EYS: variants seen among roughly 807,000 people sequenced by gnomAD.
The protein encoded by EYS is protein eyes shut homolog.
EYS carries 250 observed loss-of-function variants against 282.1 expected under a neutral mutation model. That is an observed-to-expected ratio of 0.89 (90% confidence interval 0.80 to 0.98). The LOEUF is 0.98. Ranked by LOEUF, EYS falls within the 50% of genes least tolerant of loss-of-function variation. The pLI is 0.00. For synonymous variants in EYS, 1,355 were observed against 1,282.9 expected (o/e 1.06, Z -1.20); for missense variants, 4,016 against 3,709.0 (o/e 1.08, Z -2.15).
chr6:63,754,275 G>A (rs1346681927), intron 41 of EYS, among the ~76,000 whole-genome samples: 1 of 152,096 alleles, frequency 6.6e-6, no homozygotes, highest in African/African-American at 2.4e-5. Flanking sequence ...CATGTGTGAT[G>A]TTGGTTTGCT....
intron 36 of EYS, among the ~76,000 whole-genome samples, chr6:63,828,972 T>A (rs1391733135): frequency 6.6e-6 from 1 of 152,172 alleles, no homozygotes; most frequent in Non-Finnish European, 1.5e-5. Context: ...CAGTACCCAC[T>A]ACAGGGTATC....
intron 40 of EYS, among the ~76,000 whole-genome samples, chr6:63,770,938 G>A (rs558043575): frequency 6.6e-6 from 1 of 152,222 alleles, no homozygotes; most frequent in Admixed American, 6.5e-5. Flanking sequence ...TCCTTTCTTT[G>A]CTGGTGAGAT....
chr6:64,480,206 A>AATG (rs1776396159), intron 26 of EYS, among the ~76,000 whole-genome samples: 1 of 151,926 alleles, frequency 6.6e-6, no homozygotes, highest in Non-Finnish European at 1.5e-5. Context: ...TATCTTATAC[A>AATG]TGGAAGCTGG....
intron 12 of EYS, among the ~76,000 whole-genome samples, chr6:65,252,883 T>C (rs116309028): frequency 5.5e-4 from 83 of 152,064 alleles, no homozygotes; most frequent in African/African-American, 2.0e-3. Flanking sequence ...TCAGTGAACT[T>C]GACAGCAGAT....
At chr6:64,553,380 A>G (rs903982373) in intron 26 of EYS, among the ~76,000 whole-genome samples, 14 of 152,142 alleles carry the variant, frequency 9.2e-5, no homozygotes, top group Admixed American at 5.2e-4. Context: ...CTTTCTATTT[A>G]TAGTATGCAA....
intron 5 of EYS, among the ~76,000 whole-genome samples, chr6:65,453,934 G>A (rs1764506295): frequency 1.3e-5 from 2 of 151,554 alleles, no homozygotes; most frequent in South Asian, 4.2e-4. Flanking sequence ...GTCCCTTGTT[G>A]GACTTTTAGG....
intron 31 of EYS, among the ~76,000 whole-genome samples, chr6:64,133,501 C>T (rs1774055156): frequency 6.7e-6 from 1 of 149,556 alleles, no homozygotes; most frequent in African/African-American, 2.5e-5. Flanking sequence ...CACACACACA[C>T]ACACACACAC....
At chr6:65,432,981 G>C (rs549548356) in intron 5 of EYS, among the ~76,000 whole-genome samples, 5 of 152,236 alleles carry the variant, frequency 3.3e-5, no homozygotes, top group Admixed American at 2.6e-4. Flanking sequence ...TGGTAATTAA[G>C]GGAGGAATGG....
intron 26 of EYS, among the ~76,000 whole-genome samples, chr6:64,471,278 A>G (rs560269880): frequency 6.6e-6 from 1 of 152,182 alleles, no homozygotes; most frequent in Admixed American, 6.5e-5. Context: ...AAAGCCATCA[A>G]GATTAGAAAA....
At chr6:64,362,632 C>A (rs1772055082) in intron 29 of EYS, among the ~76,000 whole-genome samples, 1 of 151,662 alleles carries the variant, frequency 6.6e-6, no homozygotes, top group South Asian at 2.1e-4. Flanking sequence ...TATAATTATT[C>A]TTTAATTATT....
intron 2 of EYS, among the ~76,000 whole-genome samples, chr6:65,522,051 A>G (rs948169136): frequency 1.3e-5 from 2 of 152,158 alleles, no homozygotes; most frequent in African/African-American, 4.8e-5. Flanking sequence ...AACATTTATT[A>G]CAATTCTATC....
intron 11 of EYS, among the ~76,000 whole-genome samples, chr6:65,332,641 G>A (rs546702599): frequency 1.3e-5 from 2 of 151,190 alleles, no homozygotes; most frequent in South Asian, 4.1e-4. Context: ...TGTAATATTG[G>A]CCTCATAAAA....
chr6:65,668,586 G>C (rs1768277152), intron 1 of EYS, among the ~76,000 whole-genome samples: 1 of 151,782 alleles, frequency 6.6e-6, no homozygotes, highest in Non-Finnish European at 1.5e-5. Flanking sequence ...AAGCTTCCTT[G>C]TCCCTACTTT....
intron 1 of EYS, among the ~76,000 whole-genome samples, chr6:65,680,338 A>T (rs1197105993): frequency 2.0e-5 from 3 of 151,992 alleles, no homozygotes; most frequent in Non-Finnish European, 4.4e-5. Flanking sequence ...TCAACATTAC[A>T]TAAGATCCTG....
intron 22 of EYS, among the ~76,000 whole-genome samples, chr6:64,705,446 C>T (rs1770970539): frequency 6.6e-6 from 1 of 151,962 alleles, no homozygotes; most frequent in African/African-American, 2.4e-5. Context: ...CAAAATACCA[C>T]CATCATTCTT....
intron 7 of EYS, among the ~76,000 whole-genome samples, chr6:65,385,502 C>A (rs1765766215): frequency 6.6e-6 from 1 of 151,790 alleles, no homozygotes. Flanking sequence ...CACTTTTTTT[C>A]AGCACCCACC....
At chr6:64,926,632 AT>A (rs888114061) in intron 15 of EYS, among the ~76,000 whole-genome samples, 1 of 151,746 alleles carries the variant, frequency 6.6e-6, no homozygotes. Context: ...TGTTACCTGC[AT>A]TTTTTTTCTA....
At chr6:64,664,609 T>C (rs902406673) in intron 22 of EYS, among the ~76,000 whole-genome samples, 1 of 152,164 alleles carries the variant, frequency 6.6e-6, no homozygotes, top group Admixed American at 6.6e-5. Context: ...CCTTCACAGC[T>C]GGGTTTAATT....
At position 63,721,359 on chromosome 6, in the gene EYS, GTACA is replaced by G. The variant is rs1263291101; in HGVS notation, c.8668_8671del (p.Cys2890GlnfsTer2). 1 of 1,551,864 alleles carries G rather than the reference GTACA, an allele frequency of 6.4e-7. No homozygotes were observed. Among genetic ancestry groups the G allele is most frequent in the Non-Finnish European group, 8.7e-7 (1 of 1,146,960 alleles). ...GCAAGAAAAAGTTGTGCCATTTACT[GTACA>G]TTCACCTCCATTTCTGCATGTGTTG... On this transcript the variant is annotated frameshift_variant, in exon 43 of 43. Transcript: ENST00000503581. LOFTEE classifies it low-confidence loss of function (END_TRUNC).
Sources: gnomAD v4.1 joint callset for allele counts (sites outside exome capture counted in the v4.1 genomes callset) on GRCh38, gnomAD v4.1.1 for gene constraint, MANE v1.5 for transcripts, NCBI Gene and HGNC (gene_info 2026-07-23, HGNC 2026-07-21) for gene names.